Variants in KCND3 observed in about 807,000 individuals in gnomAD.
KCND3 encodes potassium voltage-gated channel subfamily D member 3.
KCND3 carries 9 observed loss-of-function variants against 51.1 expected under a neutral mutation model. The observed-to-expected ratio is 0.18, with a 90% confidence interval of 0.11 to 0.31. The LOEUF is 0.31. Ranked by LOEUF, KCND3 falls within the 10% of genes least tolerant of loss-of-function variation. The pLI, the probability that KCND3 is intolerant of heterozygous loss-of-function variation, is 1.00. For missense variants in KCND3, 526 were observed against 903.8 expected (o/e 0.58, Z 5.36); for synonymous variants, 349 against 368.0 (o/e 0.95, Z 0.59).
intron 2 of KCND3, among the ~76,000 whole-genome samples, chr1:111,829,814 C>A (rs747406536): frequency 1.1e-4 from 16 of 152,314 alleles, no homozygotes; most frequent in South Asian, 6.2e-4. Flanking sequence ...TTATCCCCCC[C>A]AAATGCTTCT....
chr1:111,924,665 T>C (rs189180948), intron 2 of KCND3, among the ~76,000 whole-genome samples: 1 of 152,244 alleles, frequency 6.6e-6, no homozygotes, highest in African/African-American at 2.4e-5. Context: ...ATGGTCTTAG[T>C]TTAGGAGGAG....
At chr1:111,965,948 G>A (rs368059814) in intron 2 of KCND3, among the ~76,000 whole-genome samples, 8 of 152,098 alleles carry the variant, frequency 5.3e-5, no homozygotes, top group South Asian at 2.1e-4. Flanking sequence ...CAATTGCCCC[G>A]GCTTTGGGGA....
At position 111,888,348 on chromosome 1, in the gene KCND3, A is replaced by G. The variant is rs144331354; in HGVS notation, c.1106+93273T>C. Among the ~76,000 whole-genome samples, 57 of 152,358 alleles carry G rather than the reference A, an allele frequency of 3.7e-4. 1 individual carries two copies. In the East Asian group the frequency reaches 9.4e-3, roughly 25 times the overall value. ...AAAGGAGGATGAGGGCAAAGATTAC[A>G]GAGAGACAGAGGCAGATGACACACA... is the stretch of plus-strand genomic sequence containing the variant. On this transcript the variant is annotated intron_variant, in intron 2 of 7. Transcript: ENST00000302127.
chr1:111,881,978 C>A (rs1342418508), intron 2 of KCND3, among the ~76,000 whole-genome samples: 1 of 152,134 alleles, frequency 6.6e-6, no homozygotes, highest in Non-Finnish European at 1.5e-5. Flanking sequence ...AGGTTTATTC[C>A]TGGGAACGGA....
intron 2 of KCND3, among the ~76,000 whole-genome samples, chr1:111,814,001 T>C (rs1665972880): frequency 6.6e-6 from 1 of 152,174 alleles, no homozygotes; most frequent in Admixed American, 6.5e-5. Context: ...TTTTACACAA[T>C]TTGCTGAATG....
At chr1:111,977,454 G>A (rs943166256) in intron 2 of KCND3, among the ~76,000 whole-genome samples, 11 of 152,106 alleles carry the variant, frequency 7.2e-5, no homozygotes, top group African/African-American at 2.4e-4. Context: ...AATCAATTCC[G>A]TTTTCATTAA....
At chr1:111,871,085 C>T (rs2101714157) in intron 2 of KCND3, among the ~76,000 whole-genome samples, 1 of 152,128 alleles carries the variant, frequency 6.6e-6, no homozygotes, top group African/African-American at 2.4e-5. Flanking sequence ...ATGTGAGGCA[C>T]ATTGAGATAT....
At chr1:111,882,673 G>A (rs1432521545) in intron 2 of KCND3, among the ~76,000 whole-genome samples, 1 of 152,182 alleles carries the variant, frequency 6.6e-6, no homozygotes, top group Non-Finnish European at 1.5e-5. Context: ...AGCAGCGGCT[G>A]TGCTGGGGGC....
At position 111,981,923 on chromosome 1, in the gene KCND3, CATGATGGCCACCACGTCG is replaced by C; in HGVS notation, c.786_803del (p.Ile262_Ile267del). On this transcript the variant is annotated inframe_deletion, in exon 2 of 8. Coordinates refer to ENST00000302127, the MANE Select transcript of KCND3 (RefSeq NM_001378969.1). The surrounding 1 kb of genome is among the most constrained non-coding windows in gnomAD (Gnocchi z 6.2). Reference sequence around the variant, plus strand: ...TCATGACCAGACCGATGTAGTAGGGCATGATGGCCACCACGTCGATGATGCTCATGACGCTGCGGATGA... The same window carrying C: ...TCATGACCAGACCGATGTAGTAGGGCATGATGCTCATGACGCTGCGGATGA... The C allele has an allele frequency of 6.2e-7, 1 of 1,614,106 alleles. No homozygotes were observed. Among genetic ancestry groups the C allele is most frequent in the Non-Finnish European group, 8.5e-7 (1 of 1,180,012 alleles).
In KCND3 at chr1:111,873,973, A is replaced by T. The variant is rs533094893; in HGVS notation, c.1107-86867T>A. Reference sequence around the variant, plus strand: ...CTGATTGCAGCCAACACTCGATTATACCCAGGTGGATTACACACTGGGCGA... The same window carrying T: ...CTGATTGCAGCCAACACTCGATTATTCCCAGGTGGATTACACACTGGGCGA... On this transcript the variant is annotated intron_variant, in intron 2 of 7. Coordinates refer to ENST00000302127, the MANE Select transcript of KCND3 (RefSeq NM_001378969.1). 1.1e-4 allele frequency among the ~76,000 whole-genome samples: 17 copies of T among 152,096 alleles called. No individual in the cohort carries two copies. The South Asian group carries it at 3.5e-3, about 32-fold the overall frequency.
At chr1:111,950,573 G>A (rs948413707) in intron 2 of KCND3, among the ~76,000 whole-genome samples, 1 of 152,216 alleles carries the variant, frequency 6.6e-6, no homozygotes, top group Non-Finnish European at 1.5e-5. Context: ...CTGGAGCACA[G>A]GAATGCAAAA....
intron 2 of KCND3, among the ~76,000 whole-genome samples, chr1:111,975,827 G>C (rs1428596162): frequency 6.6e-6 from 1 of 152,120 alleles, no homozygotes; most frequent in Non-Finnish European, 1.5e-5. Context: ...CCTCCTGCCT[G>C]TTGGACTTTG....
intron 2 of KCND3, among the ~76,000 whole-genome samples, chr1:111,927,025 C>T (rs1671734158): frequency 6.6e-6 from 1 of 152,210 alleles, no homozygotes; most frequent in Non-Finnish European, 1.5e-5. Flanking sequence ...GATTATGCTG[C>T]TAAGTGCTTT....
At chr1:111,960,374 A>G (rs1282233456) in intron 2 of KCND3, among the ~76,000 whole-genome samples, 1 of 152,216 alleles carries the variant, frequency 6.6e-6, no homozygotes, top group Admixed American at 6.5e-5. Context: ...AAGGATGCTG[A>G]TCCTCAGCTG....
rs747748036 is a variant in KCND3, at chr1:111,982,708, C to A, written c.19G>T (p.Ala7Ser). 2 of 1,604,542 alleles carry A rather than the reference C, an allele frequency of 1.2e-6. No individual in the cohort carries two copies. The highest frequency in any genetic ancestry group is 1.1e-5 in the South Asian group (1 of 90,950). The change falls in exon 2 of 8, where the codon GCC (alanine) becomes TCC (serine). Residue 7 changes from alanine to serine, a missense_variant. Ala to Ser is a moderately conservative substitution (Grantham distance 99). Around this residue, in one of 5 missense-constraint regions of KCND3, gnomAD observed 159 missense variants for 262.8 expected, o/e 0.61. Coordinates refer to ENST00000302127, the MANE Select transcript of KCND3 (RefSeq NM_001378969.1). This position sits in a 1 kb window ranked among gnomAD's most constrained non-coding sequence, Gnocchi z 8.5. MAAGVA[A>S]WLPFARAAAI... ...GCAGCCCGGGCAAAAGGCAGCCAGG[C>A]CGCAACTCCGGCCGCCATGGTGACT...
chr1:111,888,497 CA>C (rs1326460046), intron 2 of KCND3, among the ~76,000 whole-genome samples: 1 of 152,034 alleles, frequency 6.6e-6, no homozygotes, highest in Non-Finnish European at 1.5e-5. Context: ...GCCTGGCCAA[CA>C]TGGAGAAACC....
intron 2 of KCND3, among the ~76,000 whole-genome samples, chr1:111,936,699 C>A (rs1672239568): frequency 6.6e-6 from 1 of 152,226 alleles, no homozygotes; most frequent in South Asian, 2.1e-4. Flanking sequence ...ATCCTAACTA[C>A]TCAGGGAAAC....
intron 2 of KCND3, among the ~76,000 whole-genome samples, chr1:111,818,379 A>G (rs993444488): frequency 3.9e-5 from 6 of 152,258 alleles, no homozygotes; most frequent in African/African-American, 1.4e-4. Flanking sequence ...ATCACACGTC[A>G]GAGGCCAAAG....
intron 5 of KCND3, among the ~76,000 whole-genome samples, chr1:111,779,196 G>T (rs1200382388): frequency 1.3e-5 from 2 of 152,102 alleles, no homozygotes; most frequent in Non-Finnish European, 2.9e-5. Context: ...ATGGTGGTCT[G>T]TACCTGTAGT....
Sources: allele counts gnomAD v4.1 joint callset (sites outside exome capture counted in the v4.1 genomes callset), GRCh38; gene constraint gnomAD v4.1.1; regional missense constraint gnomAD v4.1.1; non-coding constraint Gnocchi (gnomAD v3.1); transcripts MANE v1.5; gene names NCBI Gene and HGNC (gene_info 2026-07-23, HGNC 2026-07-21).